The following TKFC variants were observed in gnomAD, a reference collection of about 807,000 sequenced individuals.
TKFC encodes triokinase and FMN cyclase, also known as triokinase/FMN cyclase.
In TKFC, 46 loss-of-function variants were observed where a neutral mutation model predicts 61.0. The ratio of observed to expected loss-of-function variants is 0.75; its 90% CI spans 0.60 to 0.96. TKFC has a LOEUF of 0.96. Ranked by LOEUF, TKFC falls within the 50% of genes least tolerant of loss-of-function variation. TKFC has a pLI of 0.00. For missense variants in TKFC, 715 were observed against 777.5 expected, an observed-to-expected ratio of 0.92 and a Z score of 0.96; for synonymous variants, 314 against 330.1, an observed-to-expected ratio of 0.95 and a Z score of 0.53.
Position 61,341,845 on chromosome 11 carries a change from C to A in TKFC, c.588C>A (p.Ser196=), listed in dbSNP as rs1348644487. ...TAGGTACCCTGGGGGTGAGCTTATC[C>A]TCCTGCAGCGTCCCTGGTTCCAAAC... is the stretch of plus-strand genomic sequence containing the variant. ...KAMGTLGVSL[S]SCSVPGSKPT... is the part of the protein sequence containing the mutation. The change falls in exon 7 of 18, where the codon TCC becomes TCA. Residue 196 remains serine (S), a synonymous_variant. Coordinates refer to ENST00000394900, the MANE Select transcript of TKFC (RefSeq NM_015533.4). 6.2e-7 allele frequency: 1 copy of A among 1,613,836 alleles called. No homozygotes were observed. The highest frequency in any genetic ancestry group is 1.7e-5 in the Admixed American group (1 of 59,980).
At chr11:61,334,581 A>T (rs1170623760) in intron 1 of TKFC, 39 bp from the exon 2 acceptor site, 1 of 1,025,320 alleles carries the variant, frequency 9.8e-7, no homozygotes, top group South Asian at 1.4e-5. Context: ...GTCGACTGCG[A>T]GTTCCTTCCG....
chr11:61,340,156 C>T (rs972467735), intron 5 of TKFC, among the ~76,000 whole-genome samples: 18 of 152,000 alleles, frequency 1.2e-4, no homozygotes, highest in Non-Finnish European at 1.8e-4. Context: ...GATTACAAGG[C>T]GCCTGCCACC....
chr11:61,342,132 A>G (rs1590732154), intron 7 of TKFC, among the ~76,000 whole-genome samples: 1 of 151,868 alleles, frequency 6.6e-6, no homozygotes, highest in Admixed American at 6.6e-5. Context: ...TGCACTGCCC[A>G]CCTCCTAGCC....
chr11:61,339,607 T>C, intron 5 of TKFC, 172 bp downstream of exon 5: 1 of 721,530 alleles, frequency 1.4e-6, no homozygotes, highest in East Asian at 2.8e-5. Flanking sequence ...TAAGCCCAGA[T>C]ACAGGCATTT....
In TKFC at chr11:61,347,582, C is replaced by G. The variant is rs1857196693; in HGVS notation, c.*1079C>G. 1 of 984,844 alleles carries G rather than the reference C, an allele frequency of 1.0e-6. No homozygotes were observed. Among genetic ancestry groups the G allele is most frequent in the Admixed American group, 6.2e-5 (1 of 16,198 alleles). 61.0% of individuals were successfully genotyped at this position (984,844 alleles called of 1,614,324 possible). ...AAAAGAAACTGCAGCCAAGCCAGCC[C>G]CTAGGTCTCTTTCTAGAGCGATCAC... On this transcript the variant is annotated 3_prime_UTR_variant, in exon 18 of 18. Coordinates refer to ENST00000394900, the MANE Select transcript of TKFC (RefSeq NM_015533.4).
At chr11:61,350,444 C>G (rs955909862), downstream of TKFC, 2 of 1,610,642 alleles carry the variant, frequency 1.2e-6, no homozygotes, top group Admixed American at 3.4e-5. Flanking sequence ...GGCAGATGCC[C>G]AGGAGTTAAT....
downstream of TKFC, chr11:61,350,810 C>T: frequency 3.7e-6 from 3 of 818,290 alleles, no homozygotes; most frequent in Non-Finnish European, 3.7e-6. Context: ...CAGCATTTCA[C>T]TGGGATGCGC....
Position 61,346,301 on chromosome 11 carries a change from G to A in TKFC, c.1576-50G>A. 2 of 1,608,602 alleles carry A rather than the reference G, an allele frequency of 1.2e-6. No individual in the cohort carries two copies. The stretch of plus-strand genomic sequence containing the variant: ...GACGTTCTGCCCATGGCAGGAAGGA[G>A]GCGGCCTGGTGATCTGCCCTTGAAC... On this transcript the variant is annotated intron_variant, in intron 17 of 17. Transcript: ENST00000394900. This position sits in a 1 kb window ranked among gnomAD's most constrained non-coding sequence, Gnocchi z 4.1.
At chr11:61,353,065 G>A (rs377472853), downstream of TKFC, 35 of 1,614,066 alleles carry the variant, frequency 2.2e-5, no homozygotes, top group South Asian at 2.2e-5. Flanking sequence ...CAAAAAAGAC[G>A]TGGATAGGTT....
rs1322174620 is a variant in TKFC at position 61,349,064 on chromosome 11, G to C, written c.*2561G>C. 6.1e-6 allele frequency: 1 copy of C among 163,170 alleles called. No individual in the cohort carries two copies. Among genetic ancestry groups the C allele is most frequent in the Non-Finnish European group, 1.4e-5 (1 of 73,732 alleles). The allele number at this position is 163,170 out of a possible 1,614,324, so 10.1% of individuals were successfully genotyped here. A position where few individuals can be genotyped will look rare whatever the true frequency, so the allele number is the denominator to read the frequency against. On this transcript the variant is annotated 3_prime_UTR_variant, in exon 18 of 18. Transcript: ENST00000394900. ...GAGAGTAGGTGGGCTCCAAACCCCAGGCTTCTCACTTGCTTACTAAGCACA... is the reference window on the plus strand; with the variant it reads ...GAGAGTAGGTGGGCTCCAAACCCCACGCTTCTCACTTGCTTACTAAGCACA...
At chr11:61,338,185 G>A in intron 3 of TKFC, 55 bp downstream of exon 3, 1 of 1,468,648 alleles carries the variant, frequency 6.8e-7, no homozygotes, top group Non-Finnish European at 9.0e-7. Flanking sequence ...GGGCCTCCTG[G>A]GGGATCCTTA....
chr11:61,348,522 T>C lies in TKFC; in HGVS notation c.*2019T>C. 1.0e-6 allele frequency: 1 copy of C among 983,610 alleles called. No homozygotes were observed. The allele number at this position is 983,610 out of a possible 1,614,324, so 60.9% of individuals were successfully genotyped here. ...TGTTTGTGTCCCCCCCAAATTCCTG[T>C]GTTGAAAGGCTCACCCCCACTATGG... On this transcript the variant is annotated 3_prime_UTR_variant, in exon 18 of 18. Transcript: ENST00000394900.
chr11:61,351,014 G>A, downstream of TKFC: 1 of 1,613,884 alleles, frequency 6.2e-7, no homozygotes, highest in South Asian at 1.1e-5. Context: ...AGGATCCCCG[G>A]CTCTGGGCGC....
chr11:61,335,670 G>A (rs1590714001), intron 2 of TKFC, among the ~76,000 whole-genome samples: 1 of 152,238 alleles, frequency 6.6e-6, no homozygotes, highest in East Asian at 1.9e-4. Flanking sequence ...CAGCTTTGGA[G>A]CCAGGCAGAC....
At chr11:61,352,190 GAC>G (rs1857444039), downstream of TKFC, 1 of 152,250 alleles carries the variant, frequency 6.6e-6, no homozygotes, top group African/African-American at 2.4e-5. Flanking sequence ...CAAAAGAACG[GAC>G]AGTAGTGGTC....
chr11:61,342,992 CTGTT>C (rs1856937219), intron 10 of TKFC, 148 bp downstream of exon 10: 7 of 785,386 alleles, frequency 8.9e-6, no homozygotes, highest in East Asian at 5.4e-5. Context: ...CCTTGAGCCT[CTGTT>C]TGTTTTCTTG....
chr11:61,351,794 T>TC (rs1857422897), downstream of TKFC: 1 of 152,186 alleles, frequency 6.6e-6, no homozygotes, highest in South Asian at 2.1e-4. Context: ...ATGCCTGTAG[T>TC]CCTAGCTTAC....
Position 61,342,565 on chromosome 11 carries a change from C to T in TKFC, c.691-9C>T, listed in dbSNP as rs775967836. ...CCAGATGCAGCTCATTCCTGGCTCC[C>T]TCTGACAGATGGCAACCGCCGATGA... On this transcript the variant is annotated splice_polypyrimidine_tract_variant and intron_variant, in intron 8 of 17. Transcript: ENST00000394900. The T allele has an allele frequency of 9.9e-6, 16 of 1,613,882 alleles. No homozygotes were observed. The South Asian group carries it at 1.8e-4, about 18-fold the overall frequency.
At position 61,342,465 on chromosome 11, in the gene TKFC, C is replaced by G. The variant is rs1249026439; in HGVS notation, c.660C>G (p.Ile220Met). 1 of 1,614,066 alleles carries G rather than the reference C, an allele frequency of 6.2e-7. No individual in the cohort carries two copies. Among genetic ancestry groups the G allele is most frequent in the Non-Finnish European group, 8.5e-7 (1 of 1,180,040 alleles). The change falls in exon 8 of 18, where the codon ATC becomes ATG. Residue 220 changes from isoleucine (I) to methionine (M), a missense_variant. Ile to Met is a conservative substitution (Grantham distance 10). Coordinates refer to ENST00000394900, the MANE Select transcript of TKFC (RefSeq NM_015533.4). The stretch of plus-strand genomic sequence containing the variant: ...AGTGACCACATCTATCCGCAGGGAT[C>G]CACGGGGAAGCTGGTGTGCGCCGGA... ...SADEVELGLG[I>M]HGEAGVRRIK...
Sources: allele counts gnomAD v4.1 joint callset (sites outside exome capture counted in the v4.1 genomes callset), GRCh38; gene constraint gnomAD v4.1.1; non-coding constraint Gnocchi (gnomAD v3.1); transcripts MANE v1.5; gene names NCBI Gene and HGNC (gene_info 2026-07-23, HGNC 2026-07-21).